SPINK6: variants seen among roughly 807,000 people sequenced by gnomAD.
SPINK6 encodes serine protease inhibitor Kazal-type 6.
SPINK6 carries 13 observed loss-of-function variants against 11.7 expected under a neutral mutation model. That is an observed-to-expected ratio of 1.11 (90% CI 0.72 to 1.76). SPINK6 has a LOEUF of 1.76. SPINK6 is among the 40% of genes most tolerant of loss of function. SPINK6 has a pLI of 0.00. For synonymous variants in SPINK6, 21 were observed against 31.9 expected, an observed-to-expected ratio of 0.66 and a Z score of 1.15; for missense variants, 98 against 93.7, an observed-to-expected ratio of 1.05 and a Z score of -0.19.
chr5:148,204,148 A>G (rs1360919116), intron 1 of SPINK6, among the ~76,000 whole-genome samples: 1 of 152,088 alleles, frequency 6.6e-6, no homozygotes, highest in African/African-American at 2.4e-5. Context: ...GTAAAAAAAA[A>G]ATCAATGAGA....
chr5:148,207,074 AAC>A (rs1490895546), intron 2 of SPINK6, among the ~76,000 whole-genome samples: 2 of 151,610 alleles, frequency 1.3e-5, no homozygotes, highest in African/African-American at 4.9e-5. Context: ...GTGTATGTCT[AAC>A]ACATGCACAC....
chr5:148,207,086 C>T (rs1176261008), intron 2 of SPINK6, among the ~76,000 whole-genome samples: 5 of 151,902 alleles, frequency 3.3e-5, no homozygotes, highest in Non-Finnish European at 5.9e-5. Flanking sequence ...CACATGCACA[C>T]ATGTGTGTTG....
chr5:148,208,866 C>T (rs749692401), intron 2 of SPINK6, among the ~76,000 whole-genome samples: 4 of 152,144 alleles, frequency 2.6e-5, no homozygotes, highest in African/African-American at 7.2e-5. Context: ...TCACTTACTG[C>T]ATTGCCTTTA....
At chr5:148,208,989 A>T (rs1286793857) in intron 2 of SPINK6, among the ~76,000 whole-genome samples, 1 of 152,204 alleles carries the variant, frequency 6.6e-6, no homozygotes, top group Non-Finnish European at 1.5e-5. Flanking sequence ...AAAAGCAATG[A>T]TTGGCAACCA....
At chr5:148,212,198 A>AT (rs928870537) in intron 2 of SPINK6, among the ~76,000 whole-genome samples, 18 of 152,176 alleles carry the variant, frequency 1.2e-4, no homozygotes, top group African/African-American at 3.4e-4. Context: ...TATGGAGCCC[A>AT]TAATAATAAT....
chr5:148,214,600 A>G (rs897133534), intron 3 of SPINK6, among the ~76,000 whole-genome samples: 5 of 152,180 alleles, frequency 3.3e-5, no homozygotes, highest in Non-Finnish European at 7.4e-5. Flanking sequence ...TCCCTTTGTC[A>G]TTATTTCTCC....
In SPINK6 at chr5:148,205,424, A is replaced by G. The variant is rs543525084; in HGVS notation, c.59-612A>G. Among the ~76,000 whole-genome samples the G allele has an allele frequency of 3.3e-5, 5 of 152,352 alleles. No individual in the cohort carries two copies. The South Asian group carries it at 6.2e-4, about 19-fold the overall frequency. On this transcript the variant is annotated intron_variant, in intron 1 of 3. Coordinates refer to ENST00000325630, the MANE Select transcript of SPINK6 (RefSeq NM_205841.4). ...TTAAGAGAAAGGAAAAGGGAGAGAA[A>G]CAAGACTATATATATGGGATCTTTT...
intron 1 of SPINK6, among the ~76,000 whole-genome samples, 189 bp downstream of exon 1, chr5:148,203,343 G>C (rs1204199860): frequency 6.6e-6 from 1 of 152,132 alleles, no homozygotes; most frequent in African/African-American, 2.4e-5. Context: ...ACTGTGATTT[G>C]TTGAGCATAT....
chr5:148,209,335 C>A (rs538623277), intron 2 of SPINK6, among the ~76,000 whole-genome samples: 1 of 152,184 alleles, frequency 6.6e-6, no homozygotes, highest in Non-Finnish European at 1.5e-5. Context: ...CTGGAGTGAG[C>A]TTTCCGTGGC....
intron 2 of SPINK6, among the ~76,000 whole-genome samples, chr5:148,207,585 C>A (rs1420259355): frequency 1.3e-5 from 2 of 152,070 alleles, no homozygotes; most frequent in East Asian, 3.9e-4. Context: ...AATCCCAGCA[C>A]TTGGGGAGGC....
intron 3 of SPINK6, among the ~76,000 whole-genome samples, 170 bp from the exon 4 acceptor site, chr5:148,214,735 G>A (rs1027951698): frequency 6.6e-5 from 10 of 152,106 alleles, no homozygotes; most frequent in African/African-American, 2.4e-4. Context: ...CCACAGCTAG[G>A]CCAGATGTAA....
chr5:148,213,386 A>G (rs573197033), intron 2 of SPINK6, among the ~76,000 whole-genome samples: 5 of 150,104 alleles, frequency 3.3e-5, no homozygotes, highest in African/African-American at 9.7e-5. Flanking sequence ...TTTTTAGTAG[A>G]GACGGCATTT....
chr5:148,205,783 T>A lies in SPINK6; in HGVS notation c.59-253T>A, dbSNP rs567921967. Among the ~76,000 whole-genome samples the A allele has an allele frequency of 4.4e-4, 67 of 152,178 alleles. 1 individual carries two copies. Among genetic ancestry groups the A allele is most frequent in the South Asian group, 1.2e-3 (6 of 4,822 alleles). On this transcript the variant is annotated intron_variant, in intron 1 of 3. Transcript: ENST00000325630. ...ATTTCCAGATCCTTAATCCATTTTT[T>A]TTCTACCCCACCCTAACCTCCAACA... is the stretch of plus-strand genomic sequence containing the variant.
In SPINK6 at chr5:148,206,019, T is replaced by C. The variant is rs1309943403; in HGVS notation, c.59-17T>C. 2 of 1,613,766 alleles carry C rather than the reference T, an allele frequency of 1.2e-6. No individual in the cohort carries two copies. The highest frequency in any genetic ancestry group is 1.7e-6 in the Non-Finnish European group (2 of 1,179,812). On this transcript the variant is annotated splice_polypyrimidine_tract_variant and intron_variant, in intron 1 of 3. Coordinates refer to ENST00000325630, the MANE Select transcript of SPINK6 (RefSeq NM_205841.4). ...ATCAATGAATTACAGTGTTTGAATG[T>C]TGTGCTTTTCTTTCAGGTGTCTTCA...
At chr5:148,210,285 T>C (rs1755573430) in intron 2 of SPINK6, among the ~76,000 whole-genome samples, 2 of 18,802 alleles carry the variant, frequency 1.1e-4, no homozygotes, top group East Asian at 2.1e-3. Flanking sequence ...TCTGCATACA[T>C]ATATATGTAT....
chr5:148,214,509 A>G (rs979665239), intron 3 of SPINK6, among the ~76,000 whole-genome samples: 1 of 152,206 alleles, frequency 6.6e-6, no homozygotes, highest in African/African-American at 2.4e-5. Context: ...AGAGGGCTTG[A>G]ATGTGTCACC....
intron 2 of SPINK6, among the ~76,000 whole-genome samples, chr5:148,207,833 G>A (rs1241631035): frequency 3.9e-5 from 6 of 152,066 alleles, no homozygotes; most frequent in African/African-American, 1.4e-4. Flanking sequence ...ACTACTTACT[G>A]ATTTTATGCT....
rs2113303875 is a variant in SPINK6 at position 148,203,130 on chromosome 5, C to A, written c.34C>A (p.Leu12Met). 6.2e-7 allele frequency: 1 copy of A among 1,612,472 alleles called. No homozygotes were observed. The highest frequency in any genetic ancestry group is 1.1e-5 in the South Asian group (1 of 90,734). ...GTCAGGCATGTTTCTGCTCCTCTCT[C>A]TGGCTCTTTTCTGCTTTTTAACAGG... The part of the protein sequence containing the change: ...KLSGMFLLLS[L>M]ALFCFLTGVF... The change falls in exon 1 of 4, where the codon CTG becomes ATG. Residue 12 changes from leucine (L) to methionine (M), a missense_variant. Leu to Met is a conservative substitution (Grantham distance 15). Coordinates refer to ENST00000325630, the MANE Select transcript of SPINK6 (RefSeq NM_205841.4).
intron 1 of SPINK6, among the ~76,000 whole-genome samples, chr5:148,205,693 T>C (rs548115085): frequency 2.0e-5 from 3 of 152,268 alleles, no homozygotes; most frequent in African/African-American, 4.8e-5. Flanking sequence ...TTCTCCACAG[T>C]GAGACCAGCG....
Sources: gnomAD v4.1 joint callset for allele counts (sites outside exome capture counted in the v4.1 genomes callset) on GRCh38, gnomAD v4.1.1 for gene constraint, MANE v1.5 for transcripts, NCBI Gene and HGNC (gene_info 2026-07-23, HGNC 2026-07-21) for gene names.